The following PCCA variants were observed in gnomAD, a reference collection of about 807,000 sequenced individuals.
PCCA encodes the protein propionyl-CoA carboxylase alpha chain, mitochondrial.
PCCA carries 74 observed loss-of-function variants against 101.3 expected under a neutral mutation model. That is an observed-to-expected ratio of 0.73 (90% CI 0.61 to 0.89). The LOEUF is 0.89. Among genes scored for constraint, PCCA ranks in the 40% least tolerant of loss-of-function variants. PCCA has a pLI of 0.00. For missense variants in PCCA, 891 were observed against 907.0 expected (o/e 0.98, Z 0.23); for synonymous variants, 294 against 313.6 (o/e 0.94, Z 0.66).
At chr13:100,137,867 T>G (rs2051376134) in intron 4 of PCCA, among the ~76,000 whole-genome samples, 1 of 151,730 alleles carries the variant, frequency 6.6e-6, no homozygotes, top group Non-Finnish European at 1.5e-5. Flanking sequence ...TGGAGTGCAG[T>G]GGCGCGATTA....
intron 4 of PCCA, among the ~76,000 whole-genome samples, chr13:100,117,146 T>C (rs561607507): frequency 6.6e-6 from 1 of 152,336 alleles, no homozygotes; most frequent in African/African-American, 2.4e-5. Context: ...TATTTTTAAG[T>C]GGTTGTGAAG....
At chr13:100,328,130 C>T (rs961957623) in intron 16 of PCCA, among the ~76,000 whole-genome samples, 16 of 151,888 alleles carry the variant, frequency 1.1e-4, no homozygotes, top group Admixed American at 3.9e-4. Context: ...TTCGGGAGGC[C>T]GAGGCGGGCA....
At chr13:100,209,244 C>T in intron 6 of PCCA, 88 bp from the exon 7 acceptor site, 25 of 1,090,894 alleles carry the variant, frequency 2.3e-5, no homozygotes, top group Non-Finnish European at 3.5e-5. Flanking sequence ...AGAAAATACA[C>T]ATATGGGCTT....
At chr13:100,119,974 C>A (rs1045420900) in intron 4 of PCCA, among the ~76,000 whole-genome samples, 1 of 151,954 alleles carries the variant, frequency 6.6e-6, no homozygotes, top group African/African-American at 2.4e-5. Flanking sequence ...TGGGTTCAAG[C>A]GATTCTCCTG....
chr13:100,497,586 AAG>A (rs2085365923), intron 21 of PCCA, among the ~76,000 whole-genome samples: 1 of 152,128 alleles, frequency 6.6e-6, no homozygotes, highest in African/African-American at 2.4e-5. Flanking sequence ...GCAATTCTGC[AAG>A]AGTCTTCAGA....
At chr13:100,301,325 T>A in intron 12 of PCCA, 135 bp from the exon 13 acceptor site, 1 of 897,192 alleles carries the variant, frequency 1.1e-6, no homozygotes, top group Non-Finnish European at 1.8e-6. Context: ...AGCTCAAGAG[T>A]TTTTTAGTCA....
intron 20 of PCCA, among the ~76,000 whole-genome samples, chr13:100,437,321 G>A (rs114536282): frequency 0.017 from 2,605 of 152,160 alleles, 77 homozygotes; most frequent in African/African-American, 0.059. Context: ...TGAATATGGA[G>A]CTAGTGATAT....
intron 17 of PCCA, among the ~76,000 whole-genome samples, chr13:100,336,198 G>T (rs2070424474): frequency 6.6e-6 from 1 of 152,144 alleles, no homozygotes; most frequent in Non-Finnish European, 1.5e-5. Context: ...GGAGGTAAAG[G>T]TTGTGGTGAG....
At chr13:100,359,853 G>A (rs2074369195) in intron 18 of PCCA, among the ~76,000 whole-genome samples, 1 of 152,168 alleles carries the variant, frequency 6.6e-6, no homozygotes, top group South Asian at 2.1e-4. Flanking sequence ...ATATTAAGAT[G>A]TCACTTCTCT....
intron 21 of PCCA, among the ~76,000 whole-genome samples, chr13:100,502,224 T>G (rs1045504737): frequency 1.3e-5 from 2 of 152,202 alleles, no homozygotes; most frequent in African/African-American, 4.8e-5. Context: ...TTCAGAGTGA[T>G]GCATTATGAG....
chr13:100,340,366 C>A (rs2071116586), intron 18 of PCCA, 107 bp downstream of exon 18: 3 of 726,786 alleles, frequency 4.1e-6, no homozygotes, highest in Middle Eastern at 6.7e-4. Flanking sequence ...TTCTAGAGAT[C>A]TTATGGGTCT....
At chr13:100,160,003 C>T (rs1212556499) in intron 6 of PCCA, among the ~76,000 whole-genome samples, 1 of 152,156 alleles carries the variant, frequency 6.6e-6, no homozygotes, top group East Asian at 1.9e-4. Flanking sequence ...TTATCTGATA[C>T]ATTGTTTTTA....
chr13:100,213,307 C>A (rs541256258), intron 7 of PCCA, among the ~76,000 whole-genome samples: 12 of 152,202 alleles, frequency 7.9e-5, no homozygotes, highest in African/African-American at 2.6e-4. Flanking sequence ...TTTTGAGGAA[C>A]CTCTATACTG....
At chr13:100,345,856 A>C (rs2072122470) in intron 18 of PCCA, among the ~76,000 whole-genome samples, 1 of 152,198 alleles carries the variant, frequency 6.6e-6, no homozygotes, top group Non-Finnish European at 1.5e-5. Flanking sequence ...AGGGTCTTTA[A>C]GAATTATACT....
At chr13:100,388,365 A>G (rs189410727) in intron 19 of PCCA, among the ~76,000 whole-genome samples, 113 of 152,104 alleles carry the variant, frequency 7.4e-4, no homozygotes, top group African/African-American at 2.6e-3. Flanking sequence ...TCAGGGGGCT[A>G]AGGTGGGAGG....
intron 21 of PCCA, among the ~76,000 whole-genome samples, chr13:100,477,127 T>C (rs1489550207): frequency 6.6e-6 from 1 of 152,230 alleles, no homozygotes; most frequent in Non-Finnish European, 1.5e-5. Flanking sequence ...ACTGGCTATT[T>C]GCTTGGCCTC....
At chr13:100,461,941 C>T (rs2082191345) in intron 21 of PCCA, among the ~76,000 whole-genome samples, 1 of 152,184 alleles carries the variant, frequency 6.6e-6, no homozygotes, top group Non-Finnish European at 1.5e-5. Flanking sequence ...GGGCTTCCTC[C>T]CTGCTCGGTC....
chr13:100,385,139 C>T (rs1335372697), intron 19 of PCCA, among the ~76,000 whole-genome samples: 2 of 151,988 alleles, frequency 1.3e-5, no homozygotes, highest in African/African-American at 4.8e-5. Context: ...AGGAAAATAC[C>T]TTATTTTCTG....
At chr13:100,261,957 G>A (rs2062551584) in intron 9 of PCCA, among the ~76,000 whole-genome samples, 1 of 152,130 alleles carries the variant, frequency 6.6e-6, no homozygotes, top group Non-Finnish European at 1.5e-5. Context: ...TCATGCAGGT[G>A]ACTAGACCCT....
Sources: allele counts gnomAD v4.1 joint callset (sites outside exome capture counted in the v4.1 genomes callset), GRCh38; gene constraint gnomAD v4.1.1; transcripts MANE v1.5; gene names NCBI Gene and HGNC (gene_info 2026-07-23, HGNC 2026-07-21).